The following TTI1 variants were observed in gnomAD, a reference collection of about 807,000 sequenced individuals.
The protein encoded by TTI1 is TELO2 interacting protein 1, also known as TELO2-interacting protein 1 homolog.
Under a neutral mutation model 85.4 loss-of-function variants are expected in TTI1, and 52 were observed. The ratio of observed to expected loss-of-function variants is 0.61; its 90% CI spans 0.49 to 0.77. The LOEUF is 0.77. Among genes scored for constraint, TTI1 ranks in the 30% least tolerant of loss-of-function variants. The probability of loss-of-function intolerance (pLI) is 0.00; values close to 1 mark genes in which losing one functional copy is unlikely to be tolerated. For synonymous variants in TTI1, 512 were observed against 503.9 expected (o/e 1.02, Z -0.22); for missense variants, 1,173 against 1,296.0 (o/e 0.91, Z 1.46).
chr20:38,025,735 C>A (rs2073828914), intron 1 of TTI1, among the ~76,000 whole-genome samples: 2 of 151,624 alleles, frequency 1.3e-5, no homozygotes, highest in South Asian at 4.2e-4. Context: ...GAATAGAAAG[C>A]CTCGAAAAAG....
rs139314860 is a variant in TTI1, at chr20:38,012,030, G to A, written c.1787C>T (p.Thr596Met). ...AACTTGGCAGGTGTGTTCACCAGAC[G>A]TGATGGCTTGGAGGCCTGGGTGCTC... ...MMEHPGLQAI[T>M]SGEHTCQVTS... is the part of the protein sequence containing the mutation. Residue 596 changes from threonine to methionine, a missense_variant, in exon 2 of 8, where the codon ACG becomes ATG. Coordinates refer to ENST00000373447, the MANE Select transcript of TTI1 (RefSeq NM_001303457.2). 2.1e-4 allele frequency: 332 copies of A among 1,614,220 alleles called. 1 individual carries two copies. The African/African-American group carries it at 3.9e-3, about 19-fold the overall frequency.
chr20:37,996,619 G>A, intron 6 of TTI1, 130 bp downstream of exon 6: 2 of 1,403,440 alleles, frequency 1.4e-6, no homozygotes, highest in South Asian at 1.3e-5. Context: ...ATGGACAAAT[G>A]AGGCCAAAAT....
intron 1 of TTI1, among the ~76,000 whole-genome samples, chr20:38,021,064 A>G (rs2073765048): frequency 6.6e-6 from 1 of 152,230 alleles, no homozygotes; most frequent in African/African-American, 2.4e-5. Context: ...TTTACTATAC[A>G]CAATCACCCT....
intron 1 of TTI1, among the ~76,000 whole-genome samples, chr20:38,020,350 A>ATATATATATATATG (rs1487473454): frequency 4.0e-5 from 5 of 125,838 alleles, no homozygotes; most frequent in South Asian, 2.7e-4. Context: ...ATATATATAT[A>ATATATATATATATG]TATGTATGTA....
At chr20:38,027,377 T>C (rs1034898389) in intron 1 of TTI1, among the ~76,000 whole-genome samples, 2 of 152,194 alleles carry the variant, frequency 1.3e-5, no homozygotes, top group African/African-American at 2.4e-5. Context: ...TGTTGTATTG[T>C]TATCTTTTAC....
chr20:37,994,112 C>G (rs572136417), intron 7 of TTI1, among the ~76,000 whole-genome samples: 158 of 152,244 alleles, frequency 1.0e-3, no homozygotes, highest in Non-Finnish European at 1.8e-3. Flanking sequence ...AGATGGGACT[C>G]CATCTCATGC....
chr20:37,985,947 C>A (rs903782674), intron 7 of TTI1, among the ~76,000 whole-genome samples: 4 of 152,150 alleles, frequency 2.6e-5, no homozygotes, highest in Non-Finnish European at 5.9e-5. Flanking sequence ...TCTAATTCAT[C>A]GTTTCCACTT....
chr20:38,008,222 ACT>A (rs755903038), intron 2 of TTI1, among the ~76,000 whole-genome samples: 8 of 152,100 alleles, frequency 5.3e-5, no homozygotes, highest in Non-Finnish European at 7.3e-5. Flanking sequence ...GCAATTTGAT[ACT>A]CTCTCAAAAA....
At chr20:37,984,201 G>A (rs964707027) in intron 7 of TTI1, among the ~76,000 whole-genome samples, 3 of 152,232 alleles carry the variant, frequency 2.0e-5, no homozygotes, top group Non-Finnish European at 4.4e-5. Context: ...CCCGTGTGAG[G>A]AGCCCGTTTC....
At chr20:38,006,154 T>C (rs2122554868) in intron 3 of TTI1, 43 bp downstream of exon 3, 2 of 1,606,972 alleles carry the variant, frequency 1.2e-6, no homozygotes, top group East Asian at 4.5e-5. Flanking sequence ...CAATAATCTG[T>C]TTCAGAAAGA....
chr20:37,996,511 G>C (rs954387122), intron 6 of TTI1, 49 bp from the exon 7 acceptor site: 1 of 1,600,284 alleles, frequency 6.2e-7, no homozygotes, highest in African/African-American at 1.3e-5. Context: ...ACTTCATTTG[G>C]GACAAGCAGT....
intron 7 of TTI1, among the ~76,000 whole-genome samples, chr20:37,988,711 TC>T (rs1157202774): frequency 5.3e-5 from 8 of 152,228 alleles, no homozygotes; most frequent in Non-Finnish European, 1.0e-4. Flanking sequence ...AAGAAGTTAC[TC>T]AGAAATGTCT....
intron 1 of TTI1, among the ~76,000 whole-genome samples, chr20:38,032,053 CT>C (rs920001584): frequency 1.3e-5 from 2 of 152,188 alleles, no homozygotes; most frequent in African/African-American, 4.8e-5. Flanking sequence ...TTACTCACCT[CT>C]TTTACACTAA....
At chr20:37,999,833 A>G (rs1333750355) in intron 4 of TTI1, among the ~76,000 whole-genome samples, 2 of 152,184 alleles carry the variant, frequency 1.3e-5, no homozygotes, top group African/African-American at 4.8e-5. Flanking sequence ...GAAGAGGTAA[A>G]ACGGGGCCCA....
At chr20:38,013,964 C>T (rs1412919612) in intron 1 of TTI1, 107 bp from the exon 2 acceptor site, 6 of 1,181,702 alleles carry the variant, frequency 5.1e-6, no homozygotes, top group Non-Finnish European at 5.8e-6. Flanking sequence ...ATGTGCCAGC[C>T]ACTGCACAAG....
At chr20:38,024,027 G>A (rs577448097) in intron 1 of TTI1, among the ~76,000 whole-genome samples, 1 of 152,300 alleles carries the variant, frequency 6.6e-6, no homozygotes, top group African/African-American at 2.4e-5. Context: ...AATATGTGAA[G>A]CTGTGGCTTG....
rs560824210 is a variant in TTI1, at chr20:38,013,402, T to C, written c.415A>G (p.Ile139Val). 1 of 1,614,068 alleles carries C rather than the reference T, an allele frequency of 6.2e-7. No individual in the cohort carries two copies. Among genetic ancestry groups the C allele is most frequent in the African/African-American group, 1.3e-5 (1 of 75,060 alleles). The change falls in exon 2 of 8, where the codon ATT becomes GTT. Residue 139 changes from isoleucine to valine, a missense_variant. Coordinates refer to ENST00000373447, the MANE Select transcript of TTI1 (RefSeq NM_001303457.2). ...TLMHSAYGDI[I>V]LTFYEPSILP... Reference sequence around the variant, plus strand: ...ATGGAGGGCTCATAAAAAGTCAGAATGATGTCCCCATAAGCTGAGTGCATT... The same window carrying C: ...ATGGAGGGCTCATAAAAAGTCAGAACGATGTCCCCATAAGCTGAGTGCATT...
chr20:38,023,640 C>T (rs2073798808), intron 1 of TTI1, among the ~76,000 whole-genome samples: 1 of 152,202 alleles, frequency 6.6e-6, no homozygotes, highest in Non-Finnish European at 1.5e-5. Context: ...AGTGTTACAG[C>T]TTTACTTGTG....
intron 5 of TTI1, 140 bp downstream of exon 5, chr20:37,999,048 C>T (rs544289545): frequency 1.9e-6 from 2 of 1,036,596 alleles, no homozygotes; most frequent in East Asian, 3.2e-5. Flanking sequence ...CTTCTTTGTG[C>T]TTTTCTTATG....
Sources: gnomAD v4.1 joint callset for allele counts (sites outside exome capture counted in the v4.1 genomes callset) on GRCh38, gnomAD v4.1.1 for gene constraint, MANE v1.5 for transcripts, NCBI Gene and HGNC (gene_info 2026-07-23, HGNC 2026-07-21) for gene names.